DCLK1: variants seen among roughly 807,000 people sequenced by gnomAD.
The protein encoded by DCLK1 is doublecortin like kinase 1.
In DCLK1, 16 loss-of-function variants were observed where a neutral mutation model predicts 86.2. The ratio of observed to expected loss-of-function variants is 0.19; its 90% CI spans 0.13 to 0.28. The LOEUF (loss-of-function observed/expected upper bound fraction) is 0.28, where lower values mean the gene tolerates loss of function less well. DCLK1 is among the 10% of genes least tolerant of loss of function. DCLK1 has a pLI of 1.00. For missense variants in DCLK1, 590 were observed against 940.2 expected (o/e 0.63, Z 4.87); for synonymous variants, 369 against 370.5 (o/e 1.00, Z 0.05).
In DCLK1 at chr13:35,976,687, C is replaced by T. The variant is rs909591008; in HGVS notation, c.724-29230G>A. Among the ~76,000 whole-genome samples the T allele has an allele frequency of 9.9e-5, 15 of 151,734 alleles. 2 individuals carry two copies. In the South Asian group the frequency reaches 2.3e-3, roughly 23 times the overall value. On this transcript the variant is annotated intron_variant, in intron 3 of 16. Coordinates refer to ENST00000360631, the MANE Select transcript of DCLK1 (RefSeq NM_001330071.2). ...CTGGGACTACAGGCGCCCGCCACTG[C>T]GCCCGGCTAATTTTTTTTTTGTATT...
chr13:35,822,799 A>G lies in DCLK1; in HGVS notation c.1484T>C (p.Leu495Pro). 1 of 1,613,710 alleles carries G rather than the reference A, an allele frequency of 6.2e-7. No individual in the cohort carries two copies. Among genetic ancestry groups the G allele is most frequent in the Non-Finnish European group, 8.5e-7 (1 of 1,179,976 alleles). The change falls in exon 11 of 17, where the codon CTA (leucine) becomes CCA (proline). Residue 495 changes from leucine (L) to proline (P), a missense_variant. By Grantham distance (98) the Leu-to-Pro change is moderately conservative. This residue lies in a region of DCLK1 where 108 missense variants were observed against 195.7 expected (regional missense o/e 0.55). Coordinates refer to ENST00000360631, the MANE Select transcript of DCLK1 (RefSeq NM_001330071.2). ...ATGCAGGTATTTGATGGCGCTGGCT[A>G]GGTTGTACAGCATCCCACTGGCGTC... ...ERDASGMLYN[L>P]ASAIKYLHSL... is the part of the protein sequence containing the mutation.
chr13:35,861,627 C>T (rs915488821), intron 5 of DCLK1, among the ~76,000 whole-genome samples: 12 of 152,184 alleles, frequency 7.9e-5, no homozygotes, highest in African/African-American at 2.2e-4. Context: ...GACATCTCAA[C>T]ATCAAGCATT....
rs866370681 is a variant in DCLK1 at position 35,809,067 on chromosome 13, C to T, written c.1717G>A (p.Ala573Thr). 6.2e-7 allele frequency: 1 copy of T among 1,612,118 alleles called. No homozygotes were observed. Among genetic ancestry groups the T allele is most frequent in the Non-Finnish European group, 8.5e-7 (1 of 1,178,678 alleles). Residue 573 changes from alanine (A) to threonine (T), a missense_variant, in exon 13 of 17, where the codon GCA (alanine) becomes ACA (threonine). Around this residue, in one of 6 missense-constraint regions of DCLK1, gnomAD observed 28 missense variants for 77.1 expected, o/e 0.36. Coordinates refer to ENST00000360631, the MANE Select transcript of DCLK1 (RefSeq NM_001330071.2). ...AGCAGGATATAAGTGATTACACCTGCTGCCCAGATGTCCACCTTGAGGCCG... is the reference window on the plus strand; with the variant it reads ...AGCAGGATATAAGTGATTACACCTGTTGCCCAGATGTCCACCTTGAGGCCG... ...GYGLKVDIWA[A>T]GVITYILLCG...
chr13:35,778,554 C>T (rs1338001626), intron 16 of DCLK1, among the ~76,000 whole-genome samples: 5 of 152,254 alleles, frequency 3.3e-5, no homozygotes, highest in Admixed American at 3.3e-4. Context: ...TTACTGCATT[C>T]CCCAATACCC....
intron 4 of DCLK1, among the ~76,000 whole-genome samples, chr13:35,916,813 C>T (rs912627199): frequency 2.0e-5 from 3 of 152,172 alleles, no homozygotes; most frequent in Admixed American, 6.5e-5. Context: ...GTCCTAACTA[C>T]GGCACCTTGG....
At chr13:35,979,298 G>A (rs1019617852) in intron 3 of DCLK1, among the ~76,000 whole-genome samples, 3 of 152,150 alleles carry the variant, frequency 2.0e-5, no homozygotes, top group South Asian at 2.1e-4. Context: ...AGACCCGGCC[G>A]GGGAAGGACT....
intron 8 of DCLK1, among the ~76,000 whole-genome samples, chr13:35,829,445 A>G (rs558719113): frequency 2.6e-5 from 4 of 152,310 alleles, no homozygotes; most frequent in African/African-American, 7.2e-5. Context: ...AATAGTAATG[A>G]GGTTAATTAA....
At chr13:35,897,028 G>C (rs1023431153) in intron 4 of DCLK1, among the ~76,000 whole-genome samples, 7 of 152,112 alleles carry the variant, frequency 4.6e-5, no homozygotes, top group African/African-American at 1.7e-4. Context: ...AGAGGTCTAA[G>C]GCAGAACAGA....
chr13:35,851,636 A>T (rs547088063), intron 6 of DCLK1, among the ~76,000 whole-genome samples: 1 of 152,314 alleles, frequency 6.6e-6, no homozygotes, highest in South Asian at 2.1e-4. Flanking sequence ...GTGGGAAAAG[A>T]GTCTCCAGGC....
At chr13:35,943,133 CT>C (rs1203035575) in intron 4 of DCLK1, among the ~76,000 whole-genome samples, 1 of 152,086 alleles carries the variant, frequency 6.6e-6, no homozygotes, top group African/African-American at 2.4e-5. Context: ...TGAGTGGGTC[CT>C]AATCCAATAA....
At chr13:35,944,743 G>T (rs182978165) in intron 4 of DCLK1, among the ~76,000 whole-genome samples, 176 of 152,248 alleles carry the variant, frequency 1.2e-3, no homozygotes, top group Non-Finnish European at 1.3e-3. Context: ...CCAGGGAAGG[G>T]ATGTGAAGTT....
chr13:36,037,014 T>A (rs541351848), intron 3 of DCLK1, among the ~76,000 whole-genome samples: 1 of 152,086 alleles, frequency 6.6e-6, no homozygotes, highest in East Asian at 1.9e-4. Flanking sequence ...GATAGAAAAA[T>A]GTGATATATA....
chr13:35,818,983 G>A (rs900473938), intron 11 of DCLK1, among the ~76,000 whole-genome samples: 28 of 151,932 alleles, frequency 1.8e-4, no homozygotes, highest in African/African-American at 5.6e-4. Context: ...TGAGAACTCC[G>A]TCTAACAGGC....
intron 3 of DCLK1, among the ~76,000 whole-genome samples, chr13:36,050,923 T>C (rs779251199): frequency 2.0e-4 from 31 of 152,110 alleles, no homozygotes; most frequent in Non-Finnish European, 4.6e-4. Flanking sequence ...CAGTAGGTCA[T>C]GTAAAAAACA....
intron 16 of DCLK1, among the ~76,000 whole-genome samples, chr13:35,774,992 C>T (rs932973513): frequency 1.8e-4 from 27 of 152,114 alleles, no homozygotes; most frequent in Admixed American, 1.7e-3. Flanking sequence ...CATTTATTTA[C>T]CCTTGGTGGC....
Position 35,971,256 on chromosome 13 carries a change from T to C in DCLK1, c.724-23799A>G, listed in dbSNP as rs374821612. Among the ~76,000 whole-genome samples, 16 of 152,320 alleles carry C rather than the reference T, an allele frequency of 1.1e-4. 1 individual carries two copies. The East Asian group carries it at 1.5e-3, about 15-fold the overall frequency. ...GTAGGCAGAGAATGATTGATTGGCT[T>C]CAATGTAACTGAAGCACTGAAAAAG... is the stretch of plus-strand genomic sequence containing the variant. On this transcript the variant is annotated intron_variant, in intron 3 of 16. Coordinates refer to ENST00000360631, the MANE Select transcript of DCLK1 (RefSeq NM_001330071.2).
chr13:36,004,829 C>T (rs748565665), intron 3 of DCLK1, among the ~76,000 whole-genome samples: 4 of 152,288 alleles, frequency 2.6e-5, no homozygotes, highest in South Asian at 2.1e-4. Flanking sequence ...CTGCCTGCCT[C>T]GGCCTCCCAA....
intron 10 of DCLK1, 27 bp from the exon 11 acceptor site, chr13:35,822,902 G>A: frequency 1.9e-6 from 3 of 1,612,480 alleles, no homozygotes; most frequent in South Asian, 2.2e-5. Flanking sequence ...AGCTGAAGCA[G>A]CACATTAACA....
At chr13:35,788,276 C>A (rs1424118506) in intron 16 of DCLK1, 1 of 1,613,842 alleles carries the variant, frequency 6.2e-7, no homozygotes. Flanking sequence ...ATGGTAAACC[C>A]GTGGTCCAGC....
Sources: allele counts gnomAD v4.1 joint callset (sites outside exome capture counted in the v4.1 genomes callset), GRCh38; gene constraint gnomAD v4.1.1; regional missense constraint gnomAD v4.1.1; transcripts MANE v1.5; gene names NCBI Gene and HGNC (gene_info 2026-07-23, HGNC 2026-07-21).